The following STAC2 variants were observed in gnomAD, a reference collection of about 807,000 sequenced individuals.
STAC2 encodes SH3 and cysteine-rich domain-containing protein 2.
In STAC2, 36 loss-of-function variants were observed where a neutral mutation model predicts 49.0. The observed-to-expected ratio is 0.74, with a 90% CI of 0.56 to 0.97. The LOEUF is 0.97. Ranked by LOEUF, STAC2 falls within the 50% of genes least tolerant of loss-of-function variation. The pLI, the probability that STAC2 is intolerant of heterozygous loss-of-function variation, is 0.00. For missense variants in STAC2, 527 were observed against 543.8 expected, an observed-to-expected ratio of 0.97 and a Z score of 0.31; for synonymous variants, 239 against 214.7, an observed-to-expected ratio of 1.11 and a Z score of -0.99.
chr17:39,224,465 G>A (rs545188872), intron 1 of STAC2, among the ~76,000 whole-genome samples: 10 of 152,322 alleles, frequency 6.6e-5, no homozygotes, highest in African/African-American at 2.4e-4. Context: ...CCAGCACCTA[G>A]AACTTGGGAA....
rs1343960081 is a variant in STAC2 at position 39,217,261 on chromosome 17, G to A, written c.398-88C>T. 4 of 1,344,224 alleles carry A rather than the reference G, an allele frequency of 3.0e-6. No individual in the cohort carries two copies. The East Asian group carries it at 7.1e-5, about 24-fold the overall frequency. 83.3% of individuals were successfully genotyped at this position (1,344,224 alleles called of 1,614,324 possible). ...ACATTAGGGGATGAGGAGAGCAGGGGTTGGGCATTCTCATGCCAGCCTTGA... is the reference window on the plus strand; with the variant it reads ...ACATTAGGGGATGAGGAGAGCAGGGATTGGGCATTCTCATGCCAGCCTTGA... On this transcript the variant is annotated intron_variant, in intron 2 of 10. Transcript: ENST00000333461.
Position 39,216,920 on chromosome 17 carries a change from A to G in STAC2, c.496-20T>C. ...GGTGGACTATGGCAAGAGAGGGCAG[A>G]GAGGTTTTGAGGAGGTCATGGCCTA... is the stretch of plus-strand genomic sequence containing the variant. On this transcript the variant is annotated intron_variant, in intron 3 of 10. Transcript: ENST00000333461. 1 of 1,590,054 alleles carries G rather than the reference A, an allele frequency of 6.3e-7. No homozygotes were observed. Among genetic ancestry groups the G allele is most frequent in the Non-Finnish European group, 8.6e-7 (1 of 1,167,842 alleles).
intron 2 of STAC2, 71 bp downstream of exon 2, chr17:39,217,796 G>A (rs775379012): frequency 1.5e-5 from 22 of 1,441,122 alleles, no homozygotes; most frequent in African/African-American, 8.5e-5. Flanking sequence ...AATATTGGGC[G>A]CAACATGAGC....
chr17:39,224,268 T>G (rs1371376283), intron 1 of STAC2, among the ~76,000 whole-genome samples: 1 of 152,214 alleles, frequency 6.6e-6, no homozygotes, highest in Admixed American at 6.5e-5. Context: ...TGGTCCTCAC[T>G]GTCCCCTTTC....
chr17:39,223,708 G>A (rs561715386), intron 1 of STAC2, among the ~76,000 whole-genome samples: 2 of 152,284 alleles, frequency 1.3e-5, no homozygotes, highest in South Asian at 2.1e-4. Context: ...GCCTTGGTGT[G>A]GGAAACAGGG....
intron 4 of STAC2, 150 bp downstream of exon 4, chr17:39,216,660 T>G: frequency 1.5e-6 from 1 of 648,134 alleles, no homozygotes; most frequent in Non-Finnish European, 2.6e-6. Flanking sequence ...TGGAGTGCAG[T>G]GGCGTGATCT....
rs975258629 is a variant in STAC2, at chr17:39,218,003, G to A, written c.261C>T (p.Gly87=). The change falls in exon 2 of 11, where the codon GGC becomes GGT. Residue 87 remains glycine (G), a synonymous_variant. Transcript: ENST00000333461. ...PSPPPTASDR[G]LATPSPSPCP... ...ATGGGGAGGGGGATGGGGTAGCCAG[G>A]CCCCTGTCCGAGGCTGTGGGTGGTG... 6.5e-7 allele frequency: 1 copy of A among 1,543,430 alleles called. No homozygotes were observed. The highest frequency in any genetic ancestry group is 8.8e-7 in the Non-Finnish European group (1 of 1,133,998).
At chr17:39,221,874 C>T (rs920398289) in intron 1 of STAC2, among the ~76,000 whole-genome samples, 8 of 152,222 alleles carry the variant, frequency 5.3e-5, no homozygotes, top group African/African-American at 9.6e-5. Flanking sequence ...ACCTGGAAGA[C>T]TGGCCACCTA....
chr17:39,219,087 T>C (rs992709670), intron 1 of STAC2, among the ~76,000 whole-genome samples: 2 of 152,092 alleles, frequency 1.3e-5, no homozygotes, highest in African/African-American at 4.8e-5. Flanking sequence ...CTGTCCTCCA[T>C]ACAGCTGTTG....
At chr17:39,222,397 C>T (rs1022038442) in intron 1 of STAC2, among the ~76,000 whole-genome samples, 24 of 152,154 alleles carry the variant, frequency 1.6e-4, no homozygotes, top group African/African-American at 5.3e-4. Flanking sequence ...GGTGGAGAAG[C>T]GAGAAGGAAT....
intron 8 of STAC2, 35 bp downstream of exon 8, chr17:39,214,198 C>A (rs773134159): frequency 1.9e-6 from 3 of 1,609,374 alleles, no homozygotes; most frequent in Non-Finnish European, 2.6e-6. Context: ...GAGCGCAGAG[C>A]TGCCCAGCGG....
In STAC2 at chr17:39,217,090, A is replaced by G; in HGVS notation, c.481T>C (p.Cys161Arg). 6.2e-7 allele frequency: 1 copy of G among 1,614,032 alleles called. No individual in the cohort carries two copies. Among genetic ancestry groups the G allele is most frequent in the Non-Finnish European group, 8.5e-7 (1 of 1,179,954 alleles). Residue 161 changes from cysteine to arginine, a missense_variant, in exon 3 of 11, where the codon TGC (cysteine) becomes CGC (arginine). By Grantham distance (180) the Cys-to-Arg change is radical. Transcript: ENST00000333461. ...WCSEEISHQQ[C>R]PGKTSTSFRR... ...TCCCCGCTCACCGTCTTGCCTGGGC[A>G]TTGCTGGTGGGAGATCTCCTCAGAG...
intron 9 of STAC2, 42 bp from the exon 10 acceptor site, chr17:39,213,174 C>A (rs1242151149): frequency 3.8e-6 from 6 of 1,597,142 alleles, no homozygotes; most frequent in Admixed American, 1.7e-5. Flanking sequence ...CCACACCCCA[C>A]CCCTGCTGCC....
intron 8 of STAC2, among the ~76,000 whole-genome samples, chr17:39,213,978 G>A (rs2046378199): frequency 6.6e-6 from 1 of 152,082 alleles, no homozygotes; most frequent in Non-Finnish European, 1.5e-5. Flanking sequence ...CGCCCCGCTG[G>A]GAGAGGATTC....
intron 2 of STAC2, 122 bp downstream of exon 2, chr17:39,217,745 G>T (rs2046418383): frequency 2.0e-6 from 2 of 989,702 alleles, no homozygotes; most frequent in African/African-American, 1.7e-5. Flanking sequence ...AGGCACAGAG[G>T]CACAATTAGT....
chr17:39,213,610 C>T, intron 8 of STAC2, 52 bp from the exon 9 acceptor site: 3 of 1,597,244 alleles, frequency 1.9e-6, no homozygotes, highest in Admixed American at 1.7e-5. Flanking sequence ...AGTGCCCCTC[C>T]CCATCCTAGC....
At chr17:39,221,839 A>G (rs2046466017) in intron 1 of STAC2, among the ~76,000 whole-genome samples, 2 of 152,290 alleles carry the variant, frequency 1.3e-5, no homozygotes, top group South Asian at 2.1e-4. Context: ...CACAAGGTCA[A>G]TCAGAGAGTT....
Position 39,217,880 on chromosome 17 carries a change from G to C in STAC2, c.384C>G (p.His128Gln), listed in dbSNP as rs2046420045. 1 of 1,604,358 alleles carries C rather than the reference G, an allele frequency of 6.2e-7. No homozygotes were observed. The highest frequency in any genetic ancestry group is 1.1e-5 in the South Asian group (1 of 89,474). The change falls in exon 2 of 11, where the codon CAC becomes CAG. Residue 128 changes from histidine to glutamine, a missense_variant. Coordinates refer to ENST00000333461, the MANE Select transcript of STAC2 (RefSeq NM_198993.5). Reference protein sequence around the residue: ...FKRASPCELCHQLIVGNSKQG... With the variant: ...FKRASPCELCQQLIVGNSKQG... ...CCAGGCACCTACCTACGATGAGCTG[G>C]TGGCACAGCTCACAAGGGCTAGCTC...
rs750305533 is a variant in STAC2 at position 39,216,959 on chromosome 17, C to T, written c.496-59G>A. On this transcript the variant is annotated intron_variant, in intron 3 of 10. Transcript: ENST00000333461. ...GGTCATGGCCTATGGAGAACTTGGT[C>T]CTTCCCAAGCCCAGGGCCCACCCCA... is the stretch of plus-strand genomic sequence containing the variant. The T allele has an allele frequency of 3.8e-6, 6 of 1,580,616 alleles. No individual in the cohort carries two copies. In the South Asian group the frequency reaches 4.5e-5, roughly 12 times the overall value.
Sources: allele counts gnomAD v4.1 joint callset (sites outside exome capture counted in the v4.1 genomes callset), GRCh38; gene constraint gnomAD v4.1.1; transcripts MANE v1.5; gene names NCBI Gene and HGNC (gene_info 2026-07-23, HGNC 2026-07-21).